CDR2: variants seen among roughly 807,000 people sequenced by gnomAD.
The protein encoded by CDR2 is cerebellar degeneration related protein 2.
A neutral mutation model predicts 48.4 loss-of-function variants in CDR2; 34 were observed. The observed-to-expected ratio is 0.70, with a 90% CI of 0.53 to 0.94. The LOEUF (loss-of-function observed/expected upper bound fraction) is 0.94, where lower values mean the gene tolerates loss of function less well. Among genes scored for constraint, CDR2 ranks in the 40% least tolerant of loss-of-function variants. The probability of loss-of-function intolerance (pLI) is 0.00; values close to 1 mark genes in which losing one functional copy is unlikely to be tolerated. For synonymous variants in CDR2, 240 were observed against 219.7 expected (o/e 1.09, Z -0.82); for missense variants, 498 against 549.5 (o/e 0.91, Z 0.94).
intron 2 of CDR2, among the ~76,000 whole-genome samples, chr16:22,363,503 C>T (rs1415693532): frequency 6.6e-6 from 1 of 152,168 alleles, no homozygotes; most frequent in African/African-American, 2.4e-5. Context: ...AAGTTTAAAA[C>T]TGTATGATGT....
intron 2 of CDR2, among the ~76,000 whole-genome samples, chr16:22,363,013 C>T (rs2049020533): frequency 6.7e-6 from 1 of 150,024 alleles, no homozygotes. Context: ...AGTGCAACTG[C>T]ACAATCTCAG....
chr16:22,374,497 A>G lies in CDR2; in HGVS notation c.-188T>C, dbSNP rs2049105316. The G allele has an allele frequency of 4.2e-6, 1 of 238,092 alleles. No individual in the cohort carries two copies. Among genetic ancestry groups the G allele is most frequent in the Non-Finnish European group, 8.0e-6 (1 of 125,154 alleles). 14.7% of individuals were successfully genotyped at this position (238,092 alleles called of 1,614,324 possible). A position where few individuals can be genotyped will look rare whatever the true frequency, so the allele number is the denominator to read the frequency against. Reference sequence around the variant, plus strand: ...GGCCGCCGACCGGCCGGCTGCCTCGACTCGCCTCGCGCCTACCGACGGCCC... The same window carrying G: ...GGCCGCCGACCGGCCGGCTGCCTCGGCTCGCCTCGCGCCTACCGACGGCCC... On this transcript the variant is annotated 5_prime_UTR_variant, in exon 1 of 5. Transcript: ENST00000268383.
At chr16:22,356,955 A>G (rs1223844404) in intron 2 of CDR2, among the ~76,000 whole-genome samples, 7 of 138,172 alleles carry the variant, frequency 5.1e-5, no homozygotes, top group African/African-American at 1.9e-4. Flanking sequence ...AAAAAAAAGA[A>G]AAAAAAAAAA....
chr16:22,374,555 AG>A lies in CDR2; in HGVS notation c.-247del, dbSNP rs1282381869. 1 of 194,410 alleles carries A rather than the reference AG, an allele frequency of 5.1e-6. No individual in the cohort carries two copies. Among genetic ancestry groups the A allele is most frequent in the Non-Finnish European group, 1.0e-5 (1 of 96,720 alleles). The allele number at this position is 194,410 out of a possible 1,614,324, so 12.0% of individuals were successfully genotyped here. ...CGGGCATTACGGTGCGAACGCCTGG[AG>A]CCGGAGTCTCACGCAGCCGCCAGTC... On this transcript the variant is annotated 5_prime_UTR_variant, in exon 1 of 5. Transcript: ENST00000268383.
At chr16:22,369,092 T>C (rs932415170) in intron 1 of CDR2, 13 of 152,028 alleles carry the variant, frequency 8.6e-5, no homozygotes, top group Non-Finnish European at 1.5e-4. Flanking sequence ...ATGTGTGAAG[T>C]GGTAATTCCT....
In CDR2 at chr16:22,347,744, C is replaced by T; in HGVS notation, c.586G>A (p.Glu196Lys). Residue 196 changes from glutamate (E) to lysine (K), a missense_variant, in exon 5 of 5, where the codon GAG becomes AAG. Glu to Lys is a moderately conservative substitution (Grantham distance 56). Coordinates refer to ENST00000268383, the MANE Select transcript of CDR2 (RefSeq NM_001802.2). ...ATTGTCACTGTTTTTTTCAAGTGCT[C>T]ATTTTCCTCTTCATCAGGGCTTGGC... Reference protein sequence around the residue: ...GQPSPDEEENEHLKKTVTMLQ... With the variant: ...GQPSPDEEENKHLKKTVTMLQ... 6.2e-7 allele frequency: 1 copy of T among 1,614,074 alleles called. No individual in the cohort carries two copies. Among genetic ancestry groups the T allele is most frequent in the Non-Finnish European group, 8.5e-7 (1 of 1,180,020 alleles).
In CDR2 at chr16:22,347,209, A is replaced by T; in HGVS notation, c.1121T>A (p.Leu374Gln). 1 of 1,614,230 alleles carries T rather than the reference A, an allele frequency of 6.2e-7. No homozygotes were observed. Among genetic ancestry groups the T allele is most frequent in the East Asian group, 2.2e-5 (1 of 44,886 alleles). ...LKKCQEEQDS[L>Q]SHKAVQTSRA... ...GGAGGTCTGCACAGCCTTGTGTGAC[A>T]GGGAGTCCTGTTCCTCTTGGCACTT... is the stretch of plus-strand genomic sequence containing the variant. Residue 374 changes from leucine (L) to glutamine (Q), a missense_variant, in exon 5 of 5, where the codon CTG becomes CAG. By Grantham distance (113) the Leu-to-Gln change is moderately radical. Coordinates refer to ENST00000268383, the MANE Select transcript of CDR2 (RefSeq NM_001802.2).
At chr16:22,358,831 G>T (rs2048993311) in intron 2 of CDR2, among the ~76,000 whole-genome samples, 1 of 152,154 alleles carries the variant, frequency 6.6e-6, no homozygotes, top group African/African-American at 2.4e-5. Flanking sequence ...TATTAAAATT[G>T]TGGGATTAGA....
intron 1 of CDR2, among the ~76,000 whole-genome samples, chr16:22,369,800 AG>A (rs1373136574): frequency 6.6e-6 from 1 of 151,496 alleles, no homozygotes; most frequent in African/African-American, 2.4e-5. Context: ...TAATTAGTGG[AG>A]GGAATAGAAT....
intron 2 of CDR2, among the ~76,000 whole-genome samples, chr16:22,363,072 TG>T (rs1335890414): frequency 1.3e-5 from 2 of 151,762 alleles, no homozygotes; most frequent in Non-Finnish European, 2.9e-5. Flanking sequence ...CCTGCCTCAG[TG>T]TCCCAAGTAG....
rs7195033 is a variant in CDR2 at position 22,349,296 on chromosome 16, C to A, written c.489G>T (p.Glu163Asp). ...GCTCTTACTGGCGGAGGTCATACAG[C>A]TCCTTCAGACATGCAAAGCTGGGTG... ...KPAPSFACLK[E>D]LYDLRQHFVY... The change falls in exon 4 of 5, where the codon GAG (glutamate) becomes GAT (aspartate). Residue 163 changes from glutamate to aspartate, a missense_variant. Physicochemically the swap from Glu to Asp is conservative, Grantham distance 45 (BLOSUM62 2). Coordinates refer to ENST00000268383, the MANE Select transcript of CDR2 (RefSeq NM_001802.2). 9.3e-6 allele frequency: 15 copies of A among 1,614,060 alleles called. No homozygotes were observed. In the African/African-American group the frequency reaches 1.9e-4, roughly 20 times the overall value.
At chr16:22,369,296 A>C (rs1180190932) in intron 1 of CDR2, among the ~76,000 whole-genome samples, 1 of 146,020 alleles carries the variant, frequency 6.8e-6, no homozygotes, top group African/African-American at 2.8e-5. Context: ...GGAAAAAAAA[A>C]AAAAAGAAAA....
Position 22,374,490 on chromosome 16 carries a change from T to TGCCTC in CDR2, c.-186_-182dup, listed in dbSNP as rs1453299255. 1 of 245,646 alleles carries TGCCTC rather than the reference T, an allele frequency of 4.1e-6. No homozygotes were observed. Among genetic ancestry groups the TGCCTC allele is most frequent in the Non-Finnish European group, 7.7e-6 (1 of 130,020 alleles). 15.2% of individuals were successfully genotyped at this position (245,646 alleles called of 1,614,324 possible). On this transcript the variant is annotated 5_prime_UTR_variant, in exon 1 of 5. Transcript: ENST00000268383. ...CGCCGGCGGCCGCCGACCGGCCGGC[T>TGCCTC]GCCTCGACTCGCCTCGCGCCTACCG...
At chr16:22,366,580 G>A (rs1430655285) in intron 1 of CDR2, among the ~76,000 whole-genome samples, 1 of 152,146 alleles carries the variant, frequency 6.6e-6, no homozygotes, top group Non-Finnish European at 1.5e-5. Flanking sequence ...CAAAGCACCT[G>A]GGAGGAAGCA....
chr16:22,360,929 T>C (rs1567347618), intron 2 of CDR2, among the ~76,000 whole-genome samples: 2 of 151,858 alleles, frequency 1.3e-5, no homozygotes, highest in African/African-American at 4.8e-5. Context: ...TTTGTATTTT[T>C]AGTAGAGACA....
At chr16:22,349,613 AC>A in intron 3 of CDR2, 87 bp downstream of exon 3, 1 of 1,456,706 alleles carries the variant, frequency 6.9e-7, no homozygotes, top group Non-Finnish European at 9.4e-7. Context: ...TCCCATATTG[AC>A]CCAAACCCAC....
chr16:22,363,713 A>C (rs1368267542), intron 2 of CDR2, among the ~76,000 whole-genome samples: 1 of 152,216 alleles, frequency 6.6e-6, no homozygotes, highest in East Asian at 1.9e-4. Flanking sequence ...CTTATAATTT[A>C]AGTACAGACC....
At chr16:22,370,710 T>C (rs952426992) in intron 1 of CDR2, among the ~76,000 whole-genome samples, 1 of 152,202 alleles carries the variant, frequency 6.6e-6, no homozygotes, top group Non-Finnish European at 1.5e-5. Context: ...GGTTTTCTCC[T>C]CCTGCCTACA....
intron 2 of CDR2, among the ~76,000 whole-genome samples, chr16:22,360,571 T>A (rs2141849181): frequency 6.6e-6 from 1 of 152,126 alleles, no homozygotes; most frequent in East Asian, 1.9e-4. Context: ...ATCTTAGGGA[T>A]CTTGTCCTAG....
Sources: allele counts gnomAD v4.1 joint callset (sites outside exome capture counted in the v4.1 genomes callset), GRCh38; gene constraint gnomAD v4.1.1; transcripts MANE v1.5; gene names NCBI Gene and HGNC (gene_info 2026-07-23, HGNC 2026-07-21).